The following MTMR12 variants were observed in gnomAD, a reference collection of about 807,000 sequenced individuals.
MTMR12 encodes myotubularin-related protein 12.
In MTMR12, 33 loss-of-function variants were observed where a neutral mutation model predicts 96.7. That is an observed-to-expected ratio of 0.34 (90% CI 0.26 to 0.46). The LOEUF is 0.46. MTMR12 is among the 20% of genes least tolerant of loss of function. The pLI is 1.00. For synonymous variants in MTMR12, 298 were observed against 327.2 expected (o/e 0.91, Z 0.96); for missense variants, 721 against 896.1 (o/e 0.80, Z 2.49).
chr5:32,252,012 C>T (rs1748946022), intron 8 of MTMR12, among the ~76,000 whole-genome samples: 1 of 152,182 alleles, frequency 6.6e-6, no homozygotes, highest in African/African-American at 2.4e-5. Context: ...TAGCATACTG[C>T]TGGGCGGGAC....
chr5:32,294,483 T>C (rs891848476), intron 1 of MTMR12, among the ~76,000 whole-genome samples: 7 of 151,896 alleles, frequency 4.6e-5, no homozygotes, highest in Non-Finnish European at 1.0e-4. Context: ...TTTTTTTTAG[T>C]AGAGACAGGG....
intron 1 of MTMR12, among the ~76,000 whole-genome samples, chr5:32,306,700 T>C (rs1251686000): frequency 1.3e-5 from 2 of 152,228 alleles, no homozygotes; most frequent in Non-Finnish European, 2.9e-5. Context: ...TTTTTATCTC[T>C]GTTCTGCAAT....
At chr5:32,273,624 C>T (rs575792067) in intron 3 of MTMR12, among the ~76,000 whole-genome samples, 4 of 151,964 alleles carry the variant, frequency 2.6e-5, no homozygotes, top group South Asian at 2.1e-4. Context: ...ACATGAGGCA[C>T]GGGTGAGAAA....
At chr5:32,257,625 T>C (rs909976069) in intron 7 of MTMR12, among the ~76,000 whole-genome samples, 2 of 152,032 alleles carry the variant, frequency 1.3e-5, no homozygotes, top group African/African-American at 2.4e-5. Flanking sequence ...AAAAGTTAGC[T>C]GGGCATGGTG....
chr5:32,248,743 C>T (rs1748794067), intron 9 of MTMR12, 29 bp downstream of exon 9: 1 of 1,568,890 alleles, frequency 6.4e-7, no homozygotes, highest in African/African-American at 1.4e-5. Context: ...AAGAACTGAA[C>T]AAGAACAAAA....
chr5:32,233,684 G>C lies in MTMR12; in HGVS notation c.1674+89C>G. The C allele has an allele frequency of 1.9e-6, 3 of 1,559,718 alleles. No homozygotes were observed. Among genetic ancestry groups the C allele is most frequent in the Non-Finnish European group, 2.6e-6 (3 of 1,139,924 alleles). ...CAGACTGCTTCGAGGGGTAGAAAAT[G>C]CTGGCAGACAGAATCCGTAAGTACC... On this transcript the variant is annotated intron_variant, in intron 15 of 15. Coordinates refer to ENST00000382142, the MANE Select transcript of MTMR12 (RefSeq NM_001040446.3). The surrounding 1 kb of genome is among the most constrained non-coding windows in gnomAD (Gnocchi z 5.0).
intron 6 of MTMR12, among the ~76,000 whole-genome samples, chr5:32,265,029 T>C (rs1430087034): frequency 6.6e-6 from 1 of 151,436 alleles, no homozygotes; most frequent in Non-Finnish European, 1.5e-5. Context: ...TTTACCACAG[T>C]AGGCCATCTT....
intron 1 of MTMR12, among the ~76,000 whole-genome samples, chr5:32,283,012 G>A (rs1179801216): frequency 1.3e-5 from 2 of 152,174 alleles, no homozygotes; most frequent in South Asian, 2.1e-4. Flanking sequence ...AACAAGGTAC[G>A]AGAGCACCCG....
chr5:32,256,428 C>T (rs757024116), intron 7 of MTMR12, among the ~76,000 whole-genome samples: 7 of 152,244 alleles, frequency 4.6e-5, no homozygotes, highest in Non-Finnish European at 1.0e-4. Context: ...CTAGTTAGCA[C>T]ACAGTGCAGC....
chr5:32,305,762 G>A (rs1417153118), intron 1 of MTMR12, among the ~76,000 whole-genome samples: 2 of 152,192 alleles, frequency 1.3e-5, no homozygotes, highest in Non-Finnish European at 2.9e-5. Context: ...AATTAGCAGA[G>A]TGTAGTGGTG....
At chr5:32,272,051 G>C (rs1298982841) in intron 3 of MTMR12, 146 bp from the exon 4 acceptor site, 1 of 430,752 alleles carries the variant, frequency 2.3e-6, no homozygotes, top group East Asian at 4.1e-5. Context: ...CAGCACTTTG[G>C]GAGGCCGACG....
intron 1 of MTMR12, among the ~76,000 whole-genome samples, chr5:32,286,511 C>T (rs115648389): frequency 0.015 from 2,326 of 151,040 alleles, 30 homozygotes; most frequent in Non-Finnish European, 0.024. Flanking sequence ...CAAAGTGAGA[C>T]CCTGTCTCAA....
rs1288213627 is a variant in MTMR12, at chr5:32,255,740, G to T, written c.742C>A (p.Pro248Thr). The change falls in exon 8 of 16, where the codon CCT becomes ACT. Residue 248 changes from proline (P) to threonine (T), a missense_variant. Transcript: ENST00000382142. ...RLPAYFVVPT[P>T]LPEENVQRFQ... ...CGCTGCACATTCTCTTCAGGAAGAG[G>T]GGTGGGGACAACAAAGTATGCTGGC... 13 of 1,612,894 alleles carry T rather than the reference G, an allele frequency of 8.1e-6. No individual in the cohort carries two copies. The highest frequency in any genetic ancestry group is 1.0e-5 in the Non-Finnish European group (12 of 1,179,604).
intron 8 of MTMR12, among the ~76,000 whole-genome samples, chr5:32,252,260 G>C (rs1561759128): frequency 6.6e-6 from 1 of 152,208 alleles, no homozygotes. Flanking sequence ...AGGGTAGACA[G>C]CATGGAGATG....
At chr5:32,264,327 G>A (rs768366531) in intron 6 of MTMR12, among the ~76,000 whole-genome samples, 17 of 152,062 alleles carry the variant, frequency 1.1e-4, no homozygotes, top group Non-Finnish European at 5.9e-5. Context: ...AGCCTTCTGG[G>A]AAAAACGAAG....
Position 32,243,542 on chromosome 5 carries a change from C to T in MTMR12, c.1079G>A (p.Ser360Asn), listed in dbSNP as rs775920324. ...DIKWFSLLESSSWLDIIRRCL... is the reference protein window; with the variant it reads ...DIKWFSLLESNSWLDIIRRCL... ...ATACCTGATTATGTCAAGCCAGCTG[C>T]TACTTTCCAACAGAGAAAACCATTT... Residue 360 changes from serine (S) to asparagine (N), a missense_variant, in exon 11 of 16, where the codon AGC (serine) becomes AAC (asparagine). Coordinates refer to ENST00000382142, the MANE Select transcript of MTMR12 (RefSeq NM_001040446.3). The T allele has an allele frequency of 1.2e-6, 2 of 1,612,174 alleles. No homozygotes were observed. Among genetic ancestry groups the T allele is most frequent in the Admixed American group, 1.7e-5 (1 of 59,952 alleles).
chr5:32,285,743 C>CA (rs1171436658), intron 1 of MTMR12, among the ~76,000 whole-genome samples: 5 of 152,238 alleles, frequency 3.3e-5, no homozygotes, highest in Admixed American at 1.3e-4. Flanking sequence ...CTAGGCCAGA[C>CA]AAGAGATGAG....
chr5:32,274,689 G>A (rs764657422), intron 2 of MTMR12, among the ~76,000 whole-genome samples: 1 of 152,148 alleles, frequency 6.6e-6, no homozygotes, highest in African/African-American at 2.4e-5. Flanking sequence ...GACCACCCTC[G>A]TTCTGGCTCC....
intron 1 of MTMR12, among the ~76,000 whole-genome samples, chr5:32,294,324 A>T (rs1300803100): frequency 1.3e-5 from 2 of 151,502 alleles, no homozygotes; most frequent in Non-Finnish European, 2.9e-5. Flanking sequence ...TTTTTTAAAG[A>T]CAGAGTCTCC....
Sources: gnomAD v4.1 joint callset for allele counts (sites outside exome capture counted in the v4.1 genomes callset) on GRCh38, gnomAD v4.1.1 for gene constraint, Gnocchi (gnomAD v3.1) non-coding constraint, MANE v1.5 for transcripts, NCBI Gene and HGNC (gene_info 2026-07-23, HGNC 2026-07-21) for gene names.